ITGB3: variants seen among roughly 807,000 people sequenced by gnomAD.
ITGB3 encodes the protein integrin beta-3.
In ITGB3, 48 loss-of-function variants were observed where a neutral mutation model predicts 85.8. The ratio of observed to expected loss-of-function variants is 0.56; its 90% CI spans 0.44 to 0.71. The LOEUF (loss-of-function observed/expected upper bound fraction) is 0.71, where lower values mean the gene tolerates loss of function less well. Among genes scored for constraint, ITGB3 ranks in the 30% least tolerant of loss-of-function variants. The pLI, the probability that ITGB3 is intolerant of heterozygous loss-of-function variation, is 0.00. For synonymous variants in ITGB3, 363 were observed against 395.6 expected, an observed-to-expected ratio of 0.92 and a Z score of 0.98; for missense variants, 861 against 1,019.1, an observed-to-expected ratio of 0.84 and a Z score of 2.11.
chr17:47,263,246 G>A (rs1478244899), intron 1 of ITGB3, among the ~76,000 whole-genome samples: 1 of 152,138 alleles, frequency 6.6e-6, no homozygotes, highest in Non-Finnish European at 1.5e-5. Context: ...CAACCTTAGA[G>A]AAGACAGGAC....
intron 1 of ITGB3, among the ~76,000 whole-genome samples, chr17:47,261,179 T>A (rs1567758715): frequency 1.3e-5 from 2 of 152,056 alleles, no homozygotes; most frequent in Non-Finnish European, 2.9e-5. Flanking sequence ...TTCCAAGAGG[T>A]TTTGATGCTG....
At chr17:47,300,039 C>T (rs542669615) in intron 11 of ITGB3, among the ~76,000 whole-genome samples, 1 of 152,298 alleles carries the variant, frequency 6.6e-6, no homozygotes, top group Non-Finnish European at 1.5e-5. Flanking sequence ...CCTACAAGGG[C>T]CTCATGCTTG....
At chr17:47,292,832 A>C (rs546295354) in intron 10 of ITGB3, among the ~76,000 whole-genome samples, 1 of 152,374 alleles carries the variant, frequency 6.6e-6, no homozygotes, top group South Asian at 2.1e-4. Flanking sequence ...ATAATTTTAC[A>C]TGAGTTTATC....
chr17:47,298,119 ATAAT>A (rs1428985336), intron 10 of ITGB3, among the ~76,000 whole-genome samples: 1 of 152,112 alleles, frequency 6.6e-6, no homozygotes, highest in Non-Finnish European at 1.5e-5. Context: ...GTAACTTTAA[ATAAT>A]TAATTAATTA....
At chr17:47,296,035 C>G (rs1567767780) in intron 10 of ITGB3, among the ~76,000 whole-genome samples, 1 of 152,216 alleles carries the variant, frequency 6.6e-6, no homozygotes, top group Non-Finnish European at 1.5e-5. Flanking sequence ...ACATTCCTGC[C>G]AGCTCTGCCT....
chr17:47,290,908 TC>T (rs2065122763), intron 8 of ITGB3, 45 bp from the exon 9 acceptor site: 1 of 1,612,122 alleles, frequency 6.2e-7, no homozygotes, highest in Non-Finnish European at 8.5e-7. Context: ...ATTTCCCGTT[TC>T]CTTTCAGTTC....
chr17:47,281,241 C>G (rs1454129575), intron 2 of ITGB3, among the ~76,000 whole-genome samples: 1 of 152,054 alleles, frequency 6.6e-6, no homozygotes, highest in African/African-American at 2.4e-5. Flanking sequence ...TTTGGAAGTG[C>G]TGGTTGGGGA....
chr17:47,275,909 T>G (rs149619935), intron 2 of ITGB3, among the ~76,000 whole-genome samples: 81 of 152,316 alleles, frequency 5.3e-4, no homozygotes, highest in African/African-American at 1.9e-3. Flanking sequence ...TCCTCCCCTC[T>G]GGGCTGAGCG....
At chr17:47,271,657 T>C (rs2065044389) in intron 1 of ITGB3, among the ~76,000 whole-genome samples, 1 of 152,190 alleles carries the variant, frequency 6.6e-6, no homozygotes, top group Non-Finnish European at 1.5e-5. Context: ...CACCACAATA[T>C]GATCATGATT....
At chr17:47,279,966 A>C (rs1472743384) in intron 2 of ITGB3, 1 of 152,178 alleles carries the variant, frequency 6.6e-6, no homozygotes, top group Non-Finnish European at 1.5e-5. Flanking sequence ...CTGGGCACAA[A>C]ACCTGAAGTG....
Position 47,286,176 on chromosome 17 carries a change from A to G in ITGB3, c.615-84A>G, listed in dbSNP as rs1179159807. 6.0e-6 allele frequency: 9 copies of G among 1,493,124 alleles called. No individual in the cohort carries two copies. In the East Asian group the frequency reaches 1.4e-4, roughly 22 times the overall value. The allele number at this position is 1,493,124 out of a possible 1,614,324, so 92.5% of individuals were successfully genotyped here. A position where few individuals can be genotyped will look rare whatever the true frequency, so the allele number is the denominator to read the frequency against. On this transcript the variant is annotated intron_variant, in intron 4 of 14. Coordinates refer to ENST00000559488, the MANE Select transcript of ITGB3 (RefSeq NM_000212.3). The stretch of plus-strand genomic sequence containing the variant: ...CTGGCCTTGGCATACCACTATCTAT[A>G]TTTGTCCCCTCTCTTTCCTCCCAAT...
intron 1 of ITGB3, among the ~76,000 whole-genome samples, chr17:47,265,089 A>G (rs2065020829): frequency 6.6e-6 from 1 of 152,260 alleles, no homozygotes; most frequent in African/African-American, 2.4e-5. Context: ...GAATCAATGA[A>G]TGCTGACACC....
intron 1 of ITGB3, among the ~76,000 whole-genome samples, chr17:47,272,305 CG>C (rs1344014251): frequency 1.3e-5 from 2 of 152,072 alleles, no homozygotes; most frequent in African/African-American, 2.4e-5. Flanking sequence ...CCGCCGGTCT[CG>C]GCCTCCCAAA....
Position 47,289,676 on chromosome 17 carries a change from C to G in ITGB3, c.940-5C>G, listed in dbSNP as rs1031640423. ...CATTAACCTCTACATCCTTCATTTT[C>G]CTAGGATTATCCCTCTTTGGGGCTG... On this transcript the variant is annotated splice_polypyrimidine_tract_variant and splice_region_variant and intron_variant, in intron 6 of 14. Coordinates refer to ENST00000559488, the MANE Select transcript of ITGB3 (RefSeq NM_000212.3). 2 of 1,604,554 alleles carry G rather than the reference C, an allele frequency of 1.2e-6. No homozygotes were observed. The highest frequency in any genetic ancestry group is 1.7e-6 in the Non-Finnish European group (2 of 1,171,308).
In ITGB3 at chr17:47,283,941, T is replaced by C. The variant is rs143228735; in HGVS notation, c.361+392T>C. On this transcript the variant is annotated intron_variant, in intron 3 of 14. Coordinates refer to ENST00000559488, the MANE Select transcript of ITGB3 (RefSeq NM_000212.3). ...TTGTAAGCCCCCCTTTCATGGGGAA[T>C]TGGGACAGGGGAATGGGGGCAGACA... 3.3e-5 allele frequency among the ~76,000 whole-genome samples: 5 copies of C among 152,252 alleles called. No individual in the cohort carries two copies. The East Asian group carries it at 7.7e-4, about 24-fold the overall frequency.
intron 8 of ITGB3, among the ~76,000 whole-genome samples, 176 bp from the exon 9 acceptor site, chr17:47,290,778 A>T (rs1421640438): frequency 6.6e-6 from 1 of 152,158 alleles, no homozygotes. Context: ...GTTCCTGCGC[A>T]GGAAACAGAG....
Position 47,286,260 on chromosome 17 carries a change from T to G in ITGB3, c.615T>G (p.Asp205Glu), listed in dbSNP as rs779166548. 1 of 1,614,180 alleles carries G rather than the reference T, an allele frequency of 6.2e-7. No individual in the cohort carries two copies. The highest frequency in any genetic ancestry group is 2.2e-5 in the East Asian group (1 of 44,880). The change falls in exon 5 of 15, where the codon GAT (aspartate) becomes GAG (glutamate). Residue 205 changes from aspartate (D) to glutamate (E), a missense_variant and splice_region_variant. Asp to Glu is a conservative substitution (Grantham distance 45). Coordinates refer to ENST00000559488, the MANE Select transcript of ITGB3 (RefSeq NM_000212.3). The stretch of plus-strand genomic sequence containing the variant: ...TAAATTATCTCCCATCCCTCCCCAG[T>G]ATGAAGACCACCTGCTTGCCCATGT... The part of the protein sequence containing the change: ...PPEALENPCY[D>E]MKTTCLPMFG...
chr17:47,304,672 A>G (rs1227455000), intron 13 of ITGB3, among the ~76,000 whole-genome samples: 2 of 152,004 alleles, frequency 1.3e-5, no homozygotes, highest in Non-Finnish European at 2.9e-5. Flanking sequence ...CAGCGGCGTG[A>G]TCTTGGCTCA....
intron 1 of ITGB3, among the ~76,000 whole-genome samples, chr17:47,270,973 G>A (rs1489543174): frequency 6.6e-6 from 1 of 152,178 alleles, no homozygotes; most frequent in Non-Finnish European, 1.5e-5. Context: ...AAAAAGCAAA[G>A]CAAAACTTCA....
Sources: allele counts gnomAD v4.1 joint callset (sites outside exome capture counted in the v4.1 genomes callset), GRCh38; gene constraint gnomAD v4.1.1; transcripts MANE v1.5; gene names NCBI Gene and HGNC (gene_info 2026-07-23, HGNC 2026-07-21).